The following BTG2 variants were observed in gnomAD, a reference collection of about 807,000 sequenced individuals.
BTG2 encodes protein BTG2.
In BTG2, 9 loss-of-function variants were observed where a neutral mutation model predicts 13.1. The observed-to-expected ratio is 0.69, with a 90% CI of 0.41 to 1.20. BTG2 has a LOEUF of 1.20. Among genes scored for constraint, BTG2 ranks in the 50% most tolerant of loss-of-function variants. BTG2 has a pLI of 0.00. For missense variants in BTG2, 200 were observed against 209.5 expected (o/e 0.95, Z 0.28); for synonymous variants, 92 against 88.6 (o/e 1.04, Z -0.21).
In BTG2 at chr1:203,309,347, C is replaced by T. The variant is rs1804737; in HGVS notation, c.*1909C>T. ...GCCTTTTTAGAAGCAGCCTCATGGT[C>T]TCATGCTTAATCTTGTCTCTCTTCT... On this transcript the variant is annotated 3_prime_UTR_variant, in exon 2 of 2. Coordinates refer to ENST00000290551, the MANE Select transcript of BTG2 (RefSeq NM_006763.3). The T allele has an allele frequency of 6.5e-6, 1 of 152,672 alleles. No individual in the cohort carries two copies. Among genetic ancestry groups the T allele is most frequent in the South Asian group, 2.1e-4 (1 of 4,838 alleles). 9.5% of individuals were successfully genotyped at this position (152,672 alleles called of 1,614,324 possible).
chr1:203,306,059 C>CAGA, intron 1 of BTG2, among the ~76,000 whole-genome samples: 1 of 152,316 alleles, frequency 6.6e-6, no homozygotes, highest in Non-Finnish European at 1.5e-5. Flanking sequence ...GGCTCGTCTC[C>CAGA]CTCGCTGGAC....
chr1:203,306,030 A>T (rs1658254166), intron 1 of BTG2, among the ~76,000 whole-genome samples: 1 of 152,042 alleles, frequency 6.6e-6, no homozygotes, highest in African/African-American at 2.4e-5. Context: ...TCCCCAGCTT[A>T]TGCCCCTGTC....
chr1:203,305,931 G>A (rs1203595613), intron 1 of BTG2, among the ~76,000 whole-genome samples, 183 bp downstream of exon 1: 3 of 152,274 alleles, frequency 2.0e-5, no homozygotes, highest in South Asian at 2.1e-4. Flanking sequence ...CCAGCCCTGT[G>A]CTCGGGTCTC....
At chr1:203,306,177 T>C (rs571670538) in intron 1 of BTG2, among the ~76,000 whole-genome samples, 1 of 152,086 alleles carries the variant, frequency 6.6e-6, no homozygotes, top group Non-Finnish European at 1.5e-5. Context: ...CAATTTGGAG[T>C]CCCAGTGCGG....
At position 203,308,103 on chromosome 1, in the gene BTG2, T is replaced by G. The variant is rs1427800104; in HGVS notation, c.*665T>G. On this transcript the variant is annotated 3_prime_UTR_variant, in exon 2 of 2. Coordinates refer to ENST00000290551, the MANE Select transcript of BTG2 (RefSeq NM_006763.3). ...TGCTTTCCAGCCAGGAATCTAAAGC[T>G]TTGGGTTTTCTGAGGGGGGGGAGGA... The G allele has an allele frequency of 5.4e-5, 3 of 55,786 alleles. No individual in the cohort carries two copies. The highest frequency in any genetic ancestry group is 1.1e-4 in the Non-Finnish European group (3 of 28,554). 3.5% of individuals were successfully genotyped at this position (55,786 alleles called of 1,614,324 possible). A position where few individuals can be genotyped will look rare whatever the true frequency, so the allele number is the denominator to read the frequency against.
intron 1 of BTG2, among the ~76,000 whole-genome samples, chr1:203,306,858 AC>A (rs1658290410): frequency 1.0e-5 from 1 of 95,898 alleles, no homozygotes; most frequent in Non-Finnish European, 2.1e-5. Flanking sequence ...TCACACACAC[AC>A]ACACACACAC....
intron 1 of BTG2, among the ~76,000 whole-genome samples, 181 bp downstream of exon 1, chr1:203,305,929 G>A (rs1269380585): frequency 1.3e-5 from 2 of 152,252 alleles, no homozygotes; most frequent in South Asian, 2.1e-4. Flanking sequence ...CCCCAGCCCT[G>A]TGCTCGGGTC....
At chr1:203,305,872 T>A in intron 1 of BTG2, 124 bp downstream of exon 1, 1 of 1,335,022 alleles carries the variant, frequency 7.5e-7, no homozygotes, top group Non-Finnish European at 9.9e-7. Context: ...GTGGCCCTCC[T>A]CCGACCCCCG....
chr1:203,306,827 CTCTCACACACACACACTCAG>C (rs1658286941), intron 1 of BTG2, among the ~76,000 whole-genome samples: 5 of 126,422 alleles, frequency 4.0e-5, no homozygotes, highest in African/African-American at 1.6e-4. Context: ...CACACTCTCT[CTCTCACACACACACACTCAG>C]TCACACACAC....
intron 1 of BTG2, among the ~76,000 whole-genome samples, chr1:203,306,061 T>C (rs1658255409): frequency 6.6e-6 from 1 of 152,224 alleles, no homozygotes; most frequent in Admixed American, 6.5e-5. Context: ...CTCGTCTCCC[T>C]CGCTGGACCC....
At chr1:203,305,857 A>C in intron 1 of BTG2, 109 bp downstream of exon 1, 1 of 1,423,766 alleles carries the variant, frequency 7.0e-7, no homozygotes, top group Non-Finnish European at 9.3e-7. Context: ...CAGCTTTGGG[A>C]CTCGGTGGCC....
Position 203,305,617 on chromosome 1 carries a change from G to A in BTG2, c.11G>A (p.Gly4Glu), listed in dbSNP as rs906117398. 6.2e-7 allele frequency: 1 copy of A among 1,602,270 alleles called. No homozygotes were observed. Among genetic ancestry groups the A allele is most frequent in the African/African-American group, 1.3e-5 (1 of 74,450 alleles). The change falls in exon 1 of 2, where the codon GGG becomes GAG. Residue 4 changes from glycine (G) to glutamate (E), a missense_variant. Gly to Glu is a moderately conservative substitution (Grantham distance 98). Coordinates refer to ENST00000290551, the MANE Select transcript of BTG2 (RefSeq NM_006763.3). MSH[G>E]KGTDMLPEIA... is the part of the protein sequence containing the mutation. ...CGAGCCGCGCGCGACATGAGCCACGGGAAGGGAACCGACATGCTCCCGGAG... is the reference window on the plus strand; with the variant it reads ...CGAGCCGCGCGCGACATGAGCCACGAGAAGGGAACCGACATGCTCCCGGAG...
intron 1 of BTG2, among the ~76,000 whole-genome samples, chr1:203,306,462 C>A (rs1658276310): frequency 1.3e-5 from 2 of 152,196 alleles, no homozygotes; most frequent in Admixed American, 6.5e-5. Context: ...GAAGCGATAG[C>A]CATCTCGGAA....
Position 203,305,526 on chromosome 1 carries a change from G to T in BTG2, c.-81G>T. The T allele has an allele frequency of 4.0e-6, 6 of 1,484,144 alleles. No individual in the cohort carries two copies. The highest frequency in any genetic ancestry group is 2.6e-5 in the East Asian group (1 of 39,176). 91.9% of individuals were successfully genotyped at this position (1,484,144 alleles called of 1,614,324 possible). A position where few individuals can be genotyped will look rare whatever the true frequency, so the allele number is the denominator to read the frequency against. The stretch of plus-strand genomic sequence containing the variant: ...CCCGGGGAAAGTCCGGGCAGAGCCC[G>T]AGCAGCGGCCAGGGTAACGCTGTCT... On this transcript the variant is annotated 5_prime_UTR_variant, in exon 1 of 2. Coordinates refer to ENST00000290551, the MANE Select transcript of BTG2 (RefSeq NM_006763.3).
chr1:203,305,702 G>C lies in BTG2; in HGVS notation c.96G>C (p.Glu32Asp), dbSNP rs892306063. 1 of 1,555,496 alleles carries C rather than the reference G, an allele frequency of 6.4e-7. No homozygotes were observed. Among genetic ancestry groups the C allele is most frequent in the Non-Finnish European group, 8.7e-7 (1 of 1,149,298 alleles). Residue 32 changes from glutamate (E) to aspartate (D), a missense_variant, in exon 1 of 2, where the codon GAG becomes GAC. Physicochemically the swap from Glu to Asp is conservative, Grantham distance 45. Coordinates refer to ENST00000290551, the MANE Select transcript of BTG2 (RefSeq NM_006763.3). Reference sequence around the variant, plus strand: ...TGAGGACCCGGGGCTGCGTGAGCGAGCAGAGGCTTAAGGTCTTCAGCGGGG... The same window carrying C: ...TGAGGACCCGGGGCTGCGTGAGCGACCAGAGGCTTAAGGTCTTCAGCGGGG... ...SLLRTRGCVS[E>D]QRLKVFSGAL...
In BTG2 at chr1:203,305,547, T is replaced by C. The variant is rs1324348076; in HGVS notation, c.-60T>C. 6.4e-7 allele frequency: 1 copy of C among 1,550,840 alleles called. No homozygotes were observed. The highest frequency in any genetic ancestry group is 1.7e-4 in the Middle Eastern group (1 of 5,870). On this transcript the variant is annotated 5_prime_UTR_variant, in exon 1 of 2. Transcript: ENST00000290551. ...GCCCGAGCAGCGGCCAGGGTAACGC[T>C]GTCTTGTGGACCCGCACTTCCCACC...
At chr1:203,305,789 C>T in intron 1 of BTG2, 41 bp downstream of exon 1, 1 of 1,529,196 alleles carries the variant, frequency 6.5e-7, no homozygotes, top group South Asian at 1.2e-5. Flanking sequence ...CGGGGGTCGG[C>T]CCCATCCCTG....
rs1199712110 is a variant in BTG2, at chr1:203,307,496, C to T, written c.*58C>T. 1.1e-5 allele frequency: 15 copies of T among 1,358,890 alleles called. No individual in the cohort carries two copies. Among genetic ancestry groups the T allele is most frequent in the Non-Finnish European group, 1.0e-6 (1 of 996,312 alleles). 84.2% of individuals were successfully genotyped at this position (1,358,890 alleles called of 1,614,324 possible). A position where few individuals can be genotyped will look rare whatever the true frequency, so the allele number is the denominator to read the frequency against. ...CTCATGCTGCCGTGACAACAGGCCA[C>T]CACATACCTCAACCTGGGGAACTGT... On this transcript the variant is annotated 3_prime_UTR_variant, in exon 2 of 2. Coordinates refer to ENST00000290551, the MANE Select transcript of BTG2 (RefSeq NM_006763.3).
In BTG2 at chr1:203,307,803, T is replaced by A; in HGVS notation, c.*365T>A. The A allele has an allele frequency of 6.2e-6, 1 of 162,314 alleles. No homozygotes were observed. Among genetic ancestry groups the A allele is most frequent in the Non-Finnish European group, 1.3e-5 (1 of 74,854 alleles). 10.1% of individuals were successfully genotyped at this position (162,314 alleles called of 1,614,324 possible). ...AGGGAGCAAGCAAGGTTAGCAACTGTGAACAGAGAGGTCGGGATTTGCCCT... is the reference window on the plus strand; with the variant it reads ...AGGGAGCAAGCAAGGTTAGCAACTGAGAACAGAGAGGTCGGGATTTGCCCT... On this transcript the variant is annotated 3_prime_UTR_variant, in exon 2 of 2. Coordinates refer to ENST00000290551, the MANE Select transcript of BTG2 (RefSeq NM_006763.3).
Sources: allele counts gnomAD v4.1 joint callset (sites outside exome capture counted in the v4.1 genomes callset), GRCh38; gene constraint gnomAD v4.1.1; transcripts MANE v1.5; gene names NCBI Gene and HGNC (gene_info 2026-07-23, HGNC 2026-07-21).